Variants in PTPRO observed in about 807,000 individuals in gnomAD.
The protein encoded by PTPRO is receptor-type tyrosine-protein phosphatase O.
PTPRO carries 62 observed loss-of-function variants against 145.2 expected under a neutral mutation model. The ratio of observed to expected loss-of-function variants is 0.43; its 90% confidence interval spans 0.35 to 0.53. PTPRO has a LOEUF of 0.53. Ranked by LOEUF, PTPRO falls within the 20% of genes least tolerant of loss-of-function variation. The pLI, the probability that PTPRO is intolerant of heterozygous loss-of-function variation, is 0.01. For missense variants in PTPRO, 1,345 were observed against 1,482.7 expected, an observed-to-expected ratio of 0.91 and a Z score of 1.53; for synonymous variants, 565 against 514.7, an observed-to-expected ratio of 1.10 and a Z score of -1.32.
chr12:15,465,904 G>T (rs1343650545), intron 1 of PTPRO, among the ~76,000 whole-genome samples: 2 of 151,850 alleles, frequency 1.3e-5, no homozygotes, highest in Non-Finnish European at 2.9e-5. Context: ...AAACCCCATG[G>T]TTTTTTTTCC....
intron 1 of PTPRO, among the ~76,000 whole-genome samples, chr12:15,388,265 AT>A (rs1298588887): frequency 6.6e-6 from 1 of 152,312 alleles, no homozygotes; most frequent in African/African-American, 2.4e-5. Flanking sequence ...CCAAAAAAAA[AT>A]CAAGGAAAAA....
intron 19 of PTPRO, among the ~76,000 whole-genome samples, chr12:15,574,085 A>T (rs1422486746): frequency 6.6e-6 from 1 of 152,212 alleles, no homozygotes; most frequent in Non-Finnish European, 1.5e-5. Context: ...TTGAGAAATC[A>T]CATCATTTAT....
In PTPRO at chr12:15,499,784, A is replaced by T. The variant is rs140202017; in HGVS notation, c.661+190A>T. 3.5e-4 allele frequency among the ~76,000 whole-genome samples: 54 copies of T among 152,326 alleles called. 1 individual carries two copies. Among genetic ancestry groups the T allele is most frequent in the African/African-American group, 1.3e-3 (53 of 41,576 alleles). ...AAAATATTCAATAAGAAAAATCTAAAATATGTCAATGTAATCATAGATTTC... is the reference window on the plus strand; with the variant it reads ...AAAATATTCAATAAGAAAAATCTAATATATGTCAATGTAATCATAGATTTC... On this transcript the variant is annotated intron_variant, in intron 4 of 26. Transcript: ENST00000281171.
At chr12:15,542,839 C>T (rs1943206662) in intron 12 of PTPRO, among the ~76,000 whole-genome samples, 1 of 152,130 alleles carries the variant, frequency 6.6e-6, no homozygotes, top group African/African-American at 2.4e-5. Context: ...TTTGGACTAG[C>T]CACATTTCAA....
intron 1 of PTPRO, among the ~76,000 whole-genome samples, chr12:15,481,965 A>G (rs1183975361): frequency 6.6e-6 from 1 of 152,154 alleles, no homozygotes; most frequent in Non-Finnish European, 1.5e-5. Flanking sequence ...TCAAAAACCT[A>G]AAAATAGAAC....
At chr12:15,332,578 T>A (rs1866644182) in intron 1 of PTPRO, among the ~76,000 whole-genome samples, 1 of 152,214 alleles carries the variant, frequency 6.6e-6, no homozygotes. Flanking sequence ...ATATATAGCT[T>A]AACAGACCAA....
rs767577604 is a variant in PTPRO at position 15,546,595 on chromosome 12, G to T, written c.2191G>T (p.Ala731Ser). Reference protein sequence around the residue: ...LEPAPPKSLFAVNKTQTSVTL... With the variant: ...LEPAPPKSLFSVNKTQTSVTL... ...ACCAGCTCCACCCAAATCACTCTTC[G>T]CAGTGAACAAAACCCAGACTTCAGT... is the stretch of plus-strand genomic sequence containing the variant. The change falls in exon 13 of 27, where the codon GCA (alanine) becomes TCA (serine). Residue 731 changes from alanine to serine, a missense_variant. Coordinates refer to ENST00000281171, the MANE Select transcript of PTPRO (RefSeq NM_030667.3). 3.7e-6 allele frequency: 6 copies of T among 1,611,346 alleles called. No individual in the cohort carries two copies. The highest frequency in any genetic ancestry group is 5.1e-6 in the Non-Finnish European group (6 of 1,178,600).
intron 1 of PTPRO, among the ~76,000 whole-genome samples, chr12:15,341,804 T>C (rs991475558): frequency 2.0e-5 from 3 of 152,022 alleles, no homozygotes; most frequent in African/African-American, 7.2e-5. Context: ...AACAAAAAGG[T>C]CGTAGCATTG....
At chr12:15,430,611 A>G (rs565711588) in intron 1 of PTPRO, among the ~76,000 whole-genome samples, 13 of 152,298 alleles carry the variant, frequency 8.5e-5, no homozygotes, top group African/African-American at 2.9e-4. Flanking sequence ...GTCAAAGAAT[A>G]CAAAATTTCA....
intron 1 of PTPRO, among the ~76,000 whole-genome samples, chr12:15,378,651 CA>C (rs1282683080): frequency 3.9e-5 from 6 of 152,122 alleles, no homozygotes; most frequent in African/African-American, 1.4e-4. Flanking sequence ...ACACTTTACA[CA>C]CACACTTCTG....
intron 14 of PTPRO, among the ~76,000 whole-genome samples, chr12:15,551,213 A>G (rs925989267): frequency 6.6e-6 from 1 of 152,228 alleles, no homozygotes; most frequent in African/African-American, 2.4e-5. Context: ...ACGATAATGC[A>G]TGGTAATGAC....
chr12:15,329,926 C>T (rs902230022), intron 1 of PTPRO, among the ~76,000 whole-genome samples: 4 of 152,126 alleles, frequency 2.6e-5, no homozygotes, highest in African/African-American at 9.7e-5. Flanking sequence ...CACACAAAGG[C>T]AGAGAAAACT....
intron 23 of PTPRO, among the ~76,000 whole-genome samples, 168 bp from the exon 24 acceptor site, chr12:15,586,729 T>C (rs1591772448): frequency 6.6e-6 from 1 of 152,154 alleles, no homozygotes; most frequent in Non-Finnish European, 1.5e-5. Flanking sequence ...GTTTTTTTTT[T>C]CAATACCTAT....
intron 1 of PTPRO, among the ~76,000 whole-genome samples, chr12:15,427,906 T>C (rs1173018033): frequency 6.6e-6 from 1 of 152,174 alleles, no homozygotes; most frequent in Non-Finnish European, 1.5e-5. Context: ...TATTTGTTGA[T>C]TTTCCTCAAA....
chr12:15,394,757 G>A (rs574563787), intron 1 of PTPRO, among the ~76,000 whole-genome samples: 2 of 152,282 alleles, frequency 1.3e-5, no homozygotes, highest in South Asian at 4.1e-4. Context: ...TAATCAGGTA[G>A]TCAGTGTAAG....
intron 16 of PTPRO, among the ~76,000 whole-genome samples, chr12:15,558,666 A>T (rs902286359): frequency 6.6e-6 from 1 of 152,212 alleles, no homozygotes; most frequent in East Asian, 1.9e-4. Context: ...TTGTTCAGTT[A>T]TTTCTTTCTG....
At chr12:15,576,521 T>C (rs953630758) in intron 19 of PTPRO, among the ~76,000 whole-genome samples, 1 of 152,248 alleles carries the variant, frequency 6.6e-6, no homozygotes, top group African/African-American at 2.4e-5. Context: ...CTTTTGTATC[T>C]GAGGCCTTTT....
intron 25 of PTPRO, among the ~76,000 whole-genome samples, chr12:15,591,616 T>A (rs918487790): frequency 3.9e-5 from 6 of 152,176 alleles, no homozygotes; most frequent in African/African-American, 1.4e-4. Flanking sequence ...TATGCCAGCA[T>A]TTTATGTTGA....
chr12:15,383,108 C>T lies in PTPRO; in HGVS notation c.75+60307C>T, dbSNP rs144508396. On this transcript the variant is annotated intron_variant, in intron 1 of 26. Coordinates refer to ENST00000281171, the MANE Select transcript of PTPRO (RefSeq NM_030667.3). Reference sequence around the variant, plus strand: ...CTTCGTGTTCTTTGACCAACATCTCCCCTTTCCTTGTCCACTCCAACCATA... The same window carrying T: ...CTTCGTGTTCTTTGACCAACATCTCTCCTTTCCTTGTCCACTCCAACCATA... 2.6e-3 allele frequency among the ~76,000 whole-genome samples: 402 copies of T among 152,286 alleles called. 3 individuals are homozygous for T. The highest frequency in any genetic ancestry group is 6.0e-3 in the Admixed American group (91 of 15,290).
Sources: gnomAD v4.1 joint callset for allele counts (sites outside exome capture counted in the v4.1 genomes callset) on GRCh38, gnomAD v4.1.1 for gene constraint, MANE v1.5 for transcripts, NCBI Gene and HGNC (gene_info 2026-07-23, HGNC 2026-07-21) for gene names.